The following GLRA3 variants were observed in gnomAD, a reference collection of about 807,000 sequenced individuals.
The protein encoded by GLRA3 is glycine receptor alpha 3, also known as glycine receptor subunit alpha-3.
In GLRA3, 44 loss-of-function variants were observed where a neutral mutation model predicts 60.4. That is an observed-to-expected ratio of 0.73 (90% CI 0.57 to 0.94). The LOEUF is 0.94. GLRA3 is among the 40% of genes least tolerant of loss of function. GLRA3 has a pLI of 0.00. For missense variants in GLRA3, 508 were observed against 564.6 expected, an observed-to-expected ratio of 0.90 and a Z score of 1.02; for synonymous variants, 223 against 192.9, an observed-to-expected ratio of 1.16 and a Z score of -1.29.
At chr4:174,702,203 T>C (rs1735345349) in intron 5 of GLRA3, among the ~76,000 whole-genome samples, 1 of 152,098 alleles carries the variant, frequency 6.6e-6, no homozygotes, top group Non-Finnish European at 1.5e-5. Context: ...CAGCATCCCA[T>C]CAATCAGCAA....
At chr4:174,751,057 GTCTGTCTATCTA>G (rs1357368957) in intron 3 of GLRA3, among the ~76,000 whole-genome samples, 182 of 142,404 alleles carry the variant, frequency 1.3e-3, no homozygotes, top group East Asian at 6.1e-3. Context: ...AAGCCTGTCT[GTCTGTCTATCTA>G]TCTATCTATC....
chr4:174,658,858 G>A (rs1254764084), intron 8 of GLRA3, among the ~76,000 whole-genome samples, 196 bp downstream of exon 8: 1 of 152,186 alleles, frequency 6.6e-6, no homozygotes, highest in Non-Finnish European at 1.5e-5. Context: ...GCTGTTTAAA[G>A]TAGAGCTAGG....
chr4:174,689,018 G>T (rs1262295264), intron 5 of GLRA3, among the ~76,000 whole-genome samples: 1 of 152,076 alleles, frequency 6.6e-6, no homozygotes, highest in African/African-American at 2.4e-5. Flanking sequence ...CACAAGCAGA[G>T]GCTGGGAAAT....
intron 9 of GLRA3, among the ~76,000 whole-genome samples, chr4:174,645,837 T>C (rs1276260066): frequency 6.6e-6 from 1 of 152,206 alleles, no homozygotes; most frequent in Non-Finnish European, 1.5e-5. Flanking sequence ...AAGGCAAATT[T>C]ATTATTTGCC....
intron 5 of GLRA3, among the ~76,000 whole-genome samples, chr4:174,703,293 A>C (rs1480777182): frequency 6.6e-6 from 1 of 152,192 alleles, no homozygotes; most frequent in African/African-American, 2.4e-5. Flanking sequence ...AAAAGTATAA[A>C]GGAAGCAGTG....
At chr4:174,694,833 C>T (rs978043664) in intron 5 of GLRA3, among the ~76,000 whole-genome samples, 1 of 151,674 alleles carries the variant, frequency 6.6e-6, no homozygotes, top group Non-Finnish European at 1.5e-5. Flanking sequence ...ACTAGCTAGA[C>T]TAATAAAGCA....
intron 2 of GLRA3, among the ~76,000 whole-genome samples, chr4:174,770,483 T>C (rs1346576934): frequency 1.3e-5 from 2 of 152,084 alleles, no homozygotes; most frequent in East Asian, 1.9e-4. Flanking sequence ...CTTGGGAGCA[T>C]TGAAAATTCC....
At chr4:174,734,926 C>T (rs1736710200) in intron 3 of GLRA3, among the ~76,000 whole-genome samples, 1 of 152,088 alleles carries the variant, frequency 6.6e-6, no homozygotes, top group Non-Finnish European at 1.5e-5. Flanking sequence ...TTGTGGGCAC[C>T]TCGATTTAGG....
At chr4:174,717,125 T>C (rs1735952183) in intron 4 of GLRA3, among the ~76,000 whole-genome samples, 1 of 149,750 alleles carries the variant, frequency 6.7e-6, no homozygotes, top group Admixed American at 6.7e-5. Context: ...GGTGAGAGTA[T>C]GGCTTGAGCC....
chr4:174,809,272 C>T (rs771584741), intron 1 of GLRA3, among the ~76,000 whole-genome samples: 2 of 152,182 alleles, frequency 1.3e-5, no homozygotes, highest in Non-Finnish European at 2.9e-5. Context: ...GGCTGTACCA[C>T]ATAGCCTTGG....
At chr4:174,661,178 C>CATATTCACACACACACAT (rs1733421365) in intron 7 of GLRA3, among the ~76,000 whole-genome samples, 1 of 152,044 alleles carries the variant, frequency 6.6e-6, no homozygotes, top group Non-Finnish European at 1.5e-5. Context: ...CACACACACA[C>CATATTCACACACACACAT]ATATTCACAC....
intron 7 of GLRA3, among the ~76,000 whole-genome samples, chr4:174,662,451 C>G (rs1429461268): frequency 6.6e-6 from 1 of 152,058 alleles, no homozygotes; most frequent in Non-Finnish European, 1.5e-5. Context: ...TCTTTGGACC[C>G]AATGCATAAT....
chr4:174,724,252 G>C (rs1178888584), intron 4 of GLRA3, among the ~76,000 whole-genome samples: 1 of 151,748 alleles, frequency 6.6e-6, no homozygotes, highest in Non-Finnish European at 1.5e-5. Flanking sequence ...TGCTATTTCA[G>C]TGTTTCAGTG....
intron 7 of GLRA3, among the ~76,000 whole-genome samples, chr4:174,668,216 T>C (rs2110921772): frequency 6.6e-6 from 1 of 152,274 alleles, no homozygotes; most frequent in Non-Finnish European, 1.5e-5. Flanking sequence ...TTAATCCTCT[T>C]TTCTTTATAA....
In GLRA3 at chr4:174,642,081, A is replaced by G; in HGVS notation, c.*1705T>C. 1 of 857,270 alleles carries G rather than the reference A, an allele frequency of 1.2e-6. No homozygotes were observed. The highest frequency in any genetic ancestry group is 1.4e-6 in the Non-Finnish European group (1 of 713,296). The allele number at this position is 857,270 out of a possible 1,614,324, so 53.1% of individuals were successfully genotyped here. Reference sequence around the variant, plus strand: ...GCCAAACATGATATTATTTCCTTATAGTGTTGTTTTAAGTTACTTATAAAG... The same window carrying G: ...GCCAAACATGATATTATTTCCTTATGGTGTTGTTTTAAGTTACTTATAAAG... On this transcript the variant is annotated 3_prime_UTR_variant, in exon 10 of 10. Transcript: ENST00000274093.
At chr4:174,656,049 T>C (rs1579394670) in intron 9 of GLRA3, among the ~76,000 whole-genome samples, 2 of 152,140 alleles carry the variant, frequency 1.3e-5, no homozygotes, top group East Asian at 3.9e-4. Context: ...GCTAAATTCT[T>C]GGCTTCAGTA....
chr4:174,713,891 C>T (rs913250376), intron 5 of GLRA3: 3 of 152,188 alleles, frequency 2.0e-5, no homozygotes, highest in Non-Finnish European at 2.9e-5. Flanking sequence ...TTTCCCAGAC[C>T]TCAAACATAT....
At chr4:174,701,733 C>A (rs1217361078) in intron 5 of GLRA3, among the ~76,000 whole-genome samples, 1 of 152,142 alleles carries the variant, frequency 6.6e-6, no homozygotes, top group Non-Finnish European at 1.5e-5. Flanking sequence ...AAGTTGATTT[C>A]AACCCTCATG....
intron 1 of GLRA3, among the ~76,000 whole-genome samples, chr4:174,803,086 T>C (rs1259706057): frequency 6.6e-6 from 1 of 152,106 alleles, no homozygotes; most frequent in African/African-American, 2.4e-5. Flanking sequence ...AGTGTAATTA[T>C]TTGAGATTTC....
Sources: gnomAD v4.1 joint callset for allele counts (sites outside exome capture counted in the v4.1 genomes callset) on GRCh38, gnomAD v4.1.1 for gene constraint, MANE v1.5 for transcripts, NCBI Gene and HGNC (gene_info 2026-07-23, HGNC 2026-07-21) for gene names.